Variants in OSBPL8 observed in about 807,000 individuals in gnomAD.
OSBPL8 encodes the protein oxysterol-binding protein-related protein 8.
Under a neutral mutation model 125.5 loss-of-function variants are expected in OSBPL8, and 59 were observed. The ratio of observed to expected loss-of-function variants is 0.47; its 90% CI spans 0.38 to 0.58. The LOEUF is 0.58. Ranked by LOEUF, OSBPL8 falls within the 20% of genes least tolerant of loss-of-function variation. The pLI, the probability that OSBPL8 is intolerant of heterozygous loss-of-function variation, is 0.00. For missense variants in OSBPL8, 758 were observed against 1,047.8 expected (o/e 0.72, Z 3.82); for synonymous variants, 330 against 338.9 (o/e 0.97, Z 0.29).
chr12:76,525,937 C>A (rs2137295416), intron 1 of OSBPL8, among the ~76,000 whole-genome samples: 1 of 152,308 alleles, frequency 6.6e-6, no homozygotes, highest in Admixed American at 6.5e-5. Context: ...AGGTGCTTAT[C>A]CCTGAAGGGA....
At chr12:76,380,004 C>T (rs4369452) in intron 15 of OSBPL8, among the ~76,000 whole-genome samples, 120,555 of 152,116 alleles carry the variant, frequency 0.79, 48,019 homozygotes, top group East Asian at 0.92. Flanking sequence ...TTAATTTATA[C>T]ATCTACCATT....
chr12:76,555,633 C>T (rs1951071591), intron 1 of OSBPL8, among the ~76,000 whole-genome samples: 1 of 152,196 alleles, frequency 6.6e-6, no homozygotes, highest in African/African-American at 2.4e-5. Flanking sequence ...CATTATATAA[C>T]TTTGTTCTCC....
intron 1 of OSBPL8, among the ~76,000 whole-genome samples, chr12:76,518,771 C>T (rs1253903105): frequency 6.6e-6 from 1 of 152,204 alleles, no homozygotes; most frequent in Non-Finnish European, 1.5e-5. Flanking sequence ...TGTACCTGGG[C>T]CCCTTTGAGC....
chr12:76,537,597 C>A (rs1950533887), intron 1 of OSBPL8, among the ~76,000 whole-genome samples: 1 of 152,050 alleles, frequency 6.6e-6, no homozygotes, highest in African/African-American at 2.4e-5. Context: ...GAGAGATTCA[C>A]AATGAGAAAT....
intron 2 of OSBPL8, among the ~76,000 whole-genome samples, chr12:76,485,505 G>A (rs935155344): frequency 3.3e-5 from 5 of 152,134 alleles, no homozygotes; most frequent in African/African-American, 9.7e-5. Flanking sequence ...CCAGGAGGCG[G>A]AGGTTGCGGT....
At chr12:76,496,545 T>A (rs977805643) in intron 1 of OSBPL8, among the ~76,000 whole-genome samples, 16 of 138,154 alleles carry the variant, frequency 1.2e-4, no homozygotes, top group African/African-American at 4.5e-4. Flanking sequence ...GGCTAATACA[T>A]TTTTTTTTTT....
At chr12:76,416,687 C>T (rs917515091) in intron 4 of OSBPL8, among the ~76,000 whole-genome samples, 1 of 151,988 alleles carries the variant, frequency 6.6e-6, no homozygotes, top group Admixed American at 6.6e-5. Flanking sequence ...TTCCCTACCC[C>T]AACTTTTCTT....
chr12:76,373,203 C>G, intron 18 of OSBPL8, 141 bp downstream of exon 18: 1 of 531,018 alleles, frequency 1.9e-6, no homozygotes, highest in Middle Eastern at 4.0e-4. Context: ...CAGAACACCA[C>G]CAAAATATCT....
At chr12:76,447,444 C>A (rs184894637) in intron 4 of OSBPL8, among the ~76,000 whole-genome samples, 2 of 152,172 alleles carry the variant, frequency 1.3e-5, no homozygotes, top group East Asian at 3.9e-4. Context: ...TTCTAGTTTA[C>A]AGAAAATATA....
At chr12:76,419,461 C>G (rs1438509861) in intron 4 of OSBPL8, among the ~76,000 whole-genome samples, 1 of 151,982 alleles carries the variant, frequency 6.6e-6, no homozygotes, top group African/African-American at 2.4e-5. Context: ...AGAGGGATAC[C>G]TGCGAATAAG....
In OSBPL8 at chr12:76,392,604, A is replaced by G. The variant is rs762772896; in HGVS notation, c.906T>C (p.Asn302=). Reference sequence around the variant, plus strand: ...ACTGGAAGTTATCACCACTGTGGAGATTGTTAGCACGTAGTAAGCCATAGA... The same window carrying G: ...ACTGGAAGTTATCACCACTGTGGAGGTTGTTAGCACGTAGTAAGCCATAGA... The part of the protein sequence containing the change: ...VTFYGLLRAN[N]LHSGDNFQLN... Residue 302 remains asparagine (N), a synonymous_variant, in exon 10 of 24, where the codon AAT becomes AAC. Transcript: ENST00000261183. The G allele has an allele frequency of 6.2e-7, 1 of 1,613,104 alleles. No individual in the cohort carries two copies. Among genetic ancestry groups the G allele is most frequent in the South Asian group, 1.1e-5 (1 of 91,016 alleles).
At chr12:76,447,690 C>A (rs1872874270) in intron 4 of OSBPL8, among the ~76,000 whole-genome samples, 1 of 152,086 alleles carries the variant, frequency 6.6e-6, no homozygotes, top group Admixed American at 6.6e-5. Flanking sequence ...ATTACAGGTG[C>A]CCGCCACCAA....
intron 1 of OSBPL8, among the ~76,000 whole-genome samples, chr12:76,503,521 T>C (rs1434670417): frequency 6.6e-6 from 1 of 152,160 alleles, no homozygotes; most frequent in African/African-American, 2.4e-5. Context: ...TGGGATACAA[T>C]TCAGCTTATA....
In OSBPL8 at chr12:76,528,270, T is replaced by C. The variant is rs765355658; in HGVS notation, c.-68+31127A>G. 4.8e-4 allele frequency among the ~76,000 whole-genome samples: 70 copies of C among 144,874 alleles called. 1 individual carries two copies. The highest frequency in any genetic ancestry group is 8.6e-4 in the Non-Finnish European group (58 of 67,314). On this transcript the variant is annotated intron_variant, in intron 1 of 23. Transcript: ENST00000261183. The stretch of plus-strand genomic sequence containing the variant: ...GGGACCTGGGAGGCGGAGGCTGCAG[T>C]GAGCCAAGATCATGCCACTGTACTC...
Position 76,423,496 on chromosome 12 carries a change from T to C in OSBPL8, c.218-12862A>G, listed in dbSNP as rs1424623468. ...TTCATTACATCTAAACTGTTCAGTCTATCAATGAGTCTTTCCTGCTTAAAA... is the reference window on the plus strand; with the variant it reads ...TTCATTACATCTAAACTGTTCAGTCCATCAATGAGTCTTTCCTGCTTAAAA... On this transcript the variant is annotated intron_variant, in intron 4 of 23. Coordinates refer to ENST00000261183, the MANE Select transcript of OSBPL8 (RefSeq NM_020841.5). 2.0e-5 allele frequency among the ~76,000 whole-genome samples: 3 copies of C among 152,328 alleles called. No homozygotes were observed. In the East Asian group the frequency reaches 5.8e-4, roughly 29 times the overall value.
chr12:76,482,443 G>A (rs189183395), intron 2 of OSBPL8, among the ~76,000 whole-genome samples: 4 of 152,178 alleles, frequency 2.6e-5, no homozygotes, highest in Admixed American at 1.3e-4. Flanking sequence ...GAGAAACCCC[G>A]TCTCTACTAA....
At chr12:76,386,339 T>C in intron 13 of OSBPL8, 73 bp from the exon 14 acceptor site, 1 of 1,497,306 alleles carries the variant, frequency 6.7e-7, no homozygotes, top group Non-Finnish European at 8.9e-7. Context: ...CTAGTCAAAA[T>C]GGGTTTAACT....
chr12:76,470,334 G>A (rs902589598), intron 2 of OSBPL8, among the ~76,000 whole-genome samples: 1 of 152,260 alleles, frequency 6.6e-6, no homozygotes, highest in East Asian at 1.9e-4. Context: ...GGCCTAACGA[G>A]CCACAGTTGC....
At chr12:76,378,130 A>C (rs571841130) in intron 16 of OSBPL8, among the ~76,000 whole-genome samples, 89 of 152,366 alleles carry the variant, frequency 5.8e-4, no homozygotes, top group African/African-American at 2.0e-3. Context: ...GATGAAAATC[A>C]TCTTTACAGA....
Sources: allele counts gnomAD v4.1 joint callset (sites outside exome capture counted in the v4.1 genomes callset), GRCh38; gene constraint gnomAD v4.1.1; transcripts MANE v1.5; gene names NCBI Gene and HGNC (gene_info 2026-07-23, HGNC 2026-07-21).